The following UBR7 variants were observed in gnomAD, a reference collection of about 807,000 sequenced individuals.
UBR7 encodes ubiquitin protein ligase E3 component n-recognin 7.
UBR7 carries 22 observed loss-of-function variants against 57.0 expected under a neutral mutation model. That is an observed-to-expected ratio of 0.39 (90% CI 0.28 to 0.55). The LOEUF (loss-of-function observed/expected upper bound fraction) is 0.55, where lower values mean the gene tolerates loss of function less well. Ranked by LOEUF, UBR7 falls within the 20% of genes least tolerant of loss-of-function variation. UBR7 has a pLI of 0.69. For missense variants in UBR7, 395 were observed against 513.2 expected, an observed-to-expected ratio of 0.77 and a Z score of 2.23; for synonymous variants, 167 against 179.8, an observed-to-expected ratio of 0.93 and a Z score of 0.57.
intron 3 of UBR7, among the ~76,000 whole-genome samples, chr14:93,211,101 T>C (rs1363506149): frequency 6.6e-6 from 1 of 152,154 alleles, no homozygotes; most frequent in Non-Finnish European, 1.5e-5. Context: ...CTGGGCATGG[T>C]GGCACCCAGT....
At position 93,229,122 on chromosome 14, in the gene UBR7, T is replaced by C; in HGVS notation, c.*2087T>C. On this transcript the variant is annotated 3_prime_UTR_variant, in exon 11 of 11. Transcript: ENST00000013070. ...GCTTTTAAGGAGTTCTGGCATTGTA[T>C]GTGCATTTTTGTAGAAATTGTTACT... The C allele has an allele frequency of 2.8e-6, 1 of 351,770 alleles. No homozygotes were observed. The highest frequency in any genetic ancestry group is 2.2e-5 in the South Asian group (1 of 45,266). 21.8% of individuals were successfully genotyped at this position (351,770 alleles called of 1,614,324 possible). A position where few individuals can be genotyped will look rare whatever the true frequency, so the allele number is the denominator to read the frequency against.
rs999830699 is a variant in UBR7, at chr14:93,212,216, A to G, written c.441+89A>G. 52 of 968,234 alleles carry G rather than the reference A, an allele frequency of 5.4e-5. No individual in the cohort carries two copies. In the Middle Eastern group the frequency reaches 1.0e-3, roughly 19 times the overall value. 60.0% of individuals were successfully genotyped at this position (968,234 alleles called of 1,614,324 possible). On this transcript the variant is annotated intron_variant, in intron 4 of 10. Coordinates refer to ENST00000013070, the MANE Select transcript of UBR7 (RefSeq NM_175748.4). Reference sequence around the variant, plus strand: ...GTCATATCCGAGCCTCTGGCTCTTCAAGAGGCAGTGTGGGATGGTGAAAGG... The same window carrying G: ...GTCATATCCGAGCCTCTGGCTCTTCGAGAGGCAGTGTGGGATGGTGAAAGG...
Position 93,228,826 on chromosome 14 carries a change from T to G in UBR7, c.*1791T>G, listed in dbSNP as rs1479807674. ...CTGATGTAACTACCAGAAAGTCCCT[T>G]ACTTCCTATGACCAATCAGGACCAA... On this transcript the variant is annotated 3_prime_UTR_variant, in exon 11 of 11. Transcript: ENST00000013070. 1 of 454,164 alleles carries G rather than the reference T, an allele frequency of 2.2e-6. No individual in the cohort carries two copies. Among genetic ancestry groups the G allele is most frequent in the South Asian group, 1.6e-5 (1 of 64,480 alleles). The allele number at this position is 454,164 out of a possible 1,614,324, so 28.1% of individuals were successfully genotyped here. A position where few individuals can be genotyped will look rare whatever the true frequency, so the allele number is the denominator to read the frequency against.
In UBR7 at chr14:93,226,941, A is replaced by G; in HGVS notation, c.1186-2A>G. 6.2e-7 allele frequency: 1 copy of G among 1,611,012 alleles called. No individual in the cohort carries two copies. ...TTCATAATCTTTGCTTTTCAAAAAC[A>G]GGTTGTTAAGAGAGAGGACATTCAG... On this transcript the variant is annotated splice_acceptor_variant, in intron 10 of 10. Coordinates refer to ENST00000013070, the MANE Select transcript of UBR7 (RefSeq NM_175748.4). LOFTEE classifies it high-confidence loss of function.
At chr14:93,211,495 C>T (rs528739387) in intron 3 of UBR7, among the ~76,000 whole-genome samples, 38 of 151,938 alleles carry the variant, frequency 2.5e-4, no homozygotes, top group Admixed American at 7.2e-4. Flanking sequence ...TGCAGTTACC[C>T]GAGATTGTGC....
chr14:93,223,249 A>C (rs1894747592), intron 10 of UBR7, among the ~76,000 whole-genome samples: 1 of 152,094 alleles, frequency 6.6e-6, no homozygotes, highest in African/African-American at 2.4e-5. Flanking sequence ...TACACAAATT[A>C]GCTGGGTATG....
intron 10 of UBR7, among the ~76,000 whole-genome samples, chr14:93,226,193 G>A (rs529158515): frequency 5.9e-5 from 9 of 152,330 alleles, no homozygotes; most frequent in Admixed American, 4.6e-4. Flanking sequence ...ACTAGGGAAT[G>A]AGAGGGAAGT....
intron 10 of UBR7, among the ~76,000 whole-genome samples, chr14:93,224,439 C>T (rs145145472): frequency 0.011 from 1,456 of 132,334 alleles, 21 homozygotes; most frequent in African/African-American, 0.04. Context: ...AGGGCAGTGG[C>T]GTGATCTCGG....
rs1003802675 is a variant in UBR7, at chr14:93,227,536, C to T, written c.*501C>T. 4.7e-5 allele frequency: 33 copies of T among 698,824 alleles called. No homozygotes were observed. In the African/African-American group the frequency reaches 5.1e-4, roughly 11 times the overall value. 43.3% of individuals were successfully genotyped at this position (698,824 alleles called of 1,614,324 possible). A position where few individuals can be genotyped will look rare whatever the true frequency, so the allele number is the denominator to read the frequency against. On this transcript the variant is annotated 3_prime_UTR_variant, in exon 11 of 11. Transcript: ENST00000013070. ...CAAGCCTGGTCTGCTCCTTCTTTCA[C>T]GTCCCTGTTTTCTGAGGTTTGGTCA...
At chr14:93,225,830 C>T (rs1490000954) in intron 10 of UBR7, among the ~76,000 whole-genome samples, 1 of 152,168 alleles carries the variant, frequency 6.6e-6, no homozygotes, top group Non-Finnish European at 1.5e-5. Flanking sequence ...CCTACAGTAT[C>T]CTTGCTAGAG....
chr14:93,215,428 G>C, intron 6 of UBR7, 147 bp downstream of exon 6: 2 of 785,712 alleles, frequency 2.5e-6, no homozygotes, highest in Non-Finnish European at 4.3e-6. Flanking sequence ...GCTCACGCCT[G>C]TAATCCCAGC....
intron 1 of UBR7, among the ~76,000 whole-genome samples, chr14:93,208,006 A>T (rs1318916780): frequency 1.3e-5 from 2 of 151,820 alleles, no homozygotes; most frequent in African/African-American, 2.4e-5. Flanking sequence ...GTCTATCTGC[A>T]GTCTGCCCCC....
chr14:93,228,133 G>A lies in UBR7; in HGVS notation c.*1098G>A. On this transcript the variant is annotated 3_prime_UTR_variant, in exon 11 of 11. Transcript: ENST00000013070. The stretch of plus-strand genomic sequence containing the variant: ...CAAGGCCCGAGGCTGCACGAATGAT[G>A]AGTTTTGTGTATATAATGTTAATGT... 1 of 643,770 alleles carries A rather than the reference G, an allele frequency of 1.6e-6. No homozygotes were observed. The highest frequency in any genetic ancestry group is 1.5e-5 in the South Asian group (1 of 66,174). 39.9% of individuals were successfully genotyped at this position (643,770 alleles called of 1,614,324 possible).
chr14:93,219,352 A>G lies in UBR7; in HGVS notation c.951A>G (p.Gln317=). 1 of 1,614,204 alleles carries G rather than the reference A, an allele frequency of 6.2e-7. No homozygotes were observed. ...GGCGTAGCAAGTTGTGTACCTGCCA[A>G]GACTGTATGGTAAAGTATCTGATTG... The part of the protein sequence containing the change: ...LNWRSKLCTC[Q]DCMKMYGDLD... The change falls in exon 8 of 11, where the codon CAA becomes CAG. Residue 317 remains glutamine, a synonymous_variant. Coordinates refer to ENST00000013070, the MANE Select transcript of UBR7 (RefSeq NM_175748.4).
rs1161597571 is a variant in UBR7, at chr14:93,227,740, A to C, written c.*705A>C. 1 of 700,870 alleles carries C rather than the reference A, an allele frequency of 1.4e-6. No homozygotes were observed. Among genetic ancestry groups the C allele is most frequent in the South Asian group, 1.5e-5 (1 of 67,506 alleles). The allele number at this position is 700,870 out of a possible 1,614,324, so 43.4% of individuals were successfully genotyped here. ...TACAGTTCAAGTGAAATTTTCGTTC[A>C]TGATTCTATTGGCACTAGAATTAGA... On this transcript the variant is annotated 3_prime_UTR_variant, in exon 11 of 11. Transcript: ENST00000013070.
At chr14:93,209,131 C>A (rs534668282) in intron 1 of UBR7, among the ~76,000 whole-genome samples, 1 of 152,260 alleles carries the variant, frequency 6.6e-6, no homozygotes, top group East Asian at 1.9e-4. Context: ...CACTTTTTAA[C>A]ATTTTGTCAC....
chr14:93,223,419 T>C (rs1244719329), intron 10 of UBR7, among the ~76,000 whole-genome samples: 1 of 129,428 alleles, frequency 7.7e-6, no homozygotes, highest in South Asian at 2.4e-4. Context: ...AAAAAAGAAC[T>C]GGGCATGGCG....
At chr14:93,214,030 G>T (rs183401092) in intron 4 of UBR7, among the ~76,000 whole-genome samples, 1 of 151,892 alleles carries the variant, frequency 6.6e-6, no homozygotes, top group Admixed American at 6.6e-5. Context: ...AGGTCCAAGC[G>T]ATTCTTCTGC....
rs149691131 is a variant in UBR7 at position 93,218,929 on chromosome 14, C to A, written c.810+194C>A. On this transcript the variant is annotated intron_variant, in intron 7 of 10. Coordinates refer to ENST00000013070, the MANE Select transcript of UBR7 (RefSeq NM_175748.4). ...AACTAGCCAGGCATGGTGGCACATG[C>A]CTGTAATCCCAGCTACTCAGGAGGC... 1.8e-3 allele frequency among the ~76,000 whole-genome samples: 280 copies of A among 152,134 alleles called. 4 individuals carry two copies. In the East Asian group the frequency reaches 0.045, roughly 24 times the overall value.
Sources: allele counts gnomAD v4.1 joint callset (sites outside exome capture counted in the v4.1 genomes callset), GRCh38; gene constraint gnomAD v4.1.1; transcripts MANE v1.5; gene names NCBI Gene and HGNC (gene_info 2026-07-23, HGNC 2026-07-21).